Variants in GIN1 observed in about 807,000 individuals in gnomAD.
GIN1 encodes the protein gypsy retrotransposon integrase-like protein 1.
In GIN1, 41 loss-of-function variants were observed where a neutral mutation model predicts 51.4. That is an observed-to-expected ratio of 0.80 (90% CI 0.62 to 1.04). The LOEUF is 1.04. Ranked by LOEUF, GIN1 falls within the 50% of genes least tolerant of loss-of-function variation. The pLI, the probability that GIN1 is intolerant of heterozygous loss-of-function variation, is 0.00. For synonymous variants in GIN1, 222 were observed against 206.5 expected, an observed-to-expected ratio of 1.07 and a Z score of -0.64; for missense variants, 610 against 612.4, an observed-to-expected ratio of 1.00 and a Z score of 0.04.
At chr5:103,105,094 CAGCTTATA>C (rs1332337043) in intron 3 of GIN1, among the ~76,000 whole-genome samples, 1 of 151,726 alleles carries the variant, frequency 6.6e-6, no homozygotes, top group Non-Finnish European at 1.5e-5. Context: ...CTGTGAAGGT[CAGCTTATA>C]CATGGCTTTT....
At chr5:103,107,304 C>A (rs1787754209) in intron 2 of GIN1, among the ~76,000 whole-genome samples, 1 of 151,754 alleles carries the variant, frequency 6.6e-6, no homozygotes, top group African/African-American at 2.4e-5. Context: ...CTTCCTGGAA[C>A]AGAATTTTCT....
chr5:103,089,239 C>T (rs185088420), intron 7 of GIN1, among the ~76,000 whole-genome samples: 1 of 152,202 alleles, frequency 6.6e-6, no homozygotes, highest in Admixed American at 6.5e-5. Flanking sequence ...GAATGTTAAA[C>T]TGATGGCAAA....
rs542728205 is a variant in GIN1, at chr5:103,111,008, C to A, written c.-7-2294G>T. Among the ~76,000 whole-genome samples the A allele has an allele frequency of 1.7e-3, 252 of 152,206 alleles. 1 individual carries two copies. The highest frequency in any genetic ancestry group is 5.8e-3 in the African/African-American group (241 of 41,510). On this transcript the variant is annotated intron_variant, in intron 1 of 7. Coordinates refer to ENST00000399004, the MANE Select transcript of GIN1 (RefSeq NM_017676.2). ...CTCCTGATGCCTTTACTTTCCATGT[C>A]ATCCTCACTACACTCTCTCCTCTGC...
chr5:103,119,140 A>C (rs186055356), intron 1 of GIN1, among the ~76,000 whole-genome samples: 127 of 152,334 alleles, frequency 8.3e-4, no homozygotes, highest in Non-Finnish European at 1.6e-3. Flanking sequence ...TCAATAAAGT[A>C]AGGCAGTTAG....
chr5:103,115,383 C>A lies in GIN1; in HGVS notation c.-8+4681G>T, dbSNP rs533301178. On this transcript the variant is annotated intron_variant, in intron 1 of 7. Coordinates refer to ENST00000399004, the MANE Select transcript of GIN1 (RefSeq NM_017676.2). The stretch of plus-strand genomic sequence containing the variant: ...AACACACGTTACCACATGGATGAAT[C>A]TTGAGGACATTAAGCTTAGTGAAAT... 2.6e-5 allele frequency among the ~76,000 whole-genome samples: 4 copies of A among 152,222 alleles called. No homozygotes were observed. The South Asian group carries it at 6.2e-4, about 24-fold the overall frequency.
intron 1 of GIN1, 47 bp from the exon 2 acceptor site, chr5:103,108,761 G>GA: frequency 1.2e-5 from 15 of 1,200,448 alleles, no homozygotes; most frequent in Non-Finnish European, 1.7e-5. Context: ...TAAGCTAACT[G>GA]AATTGCTATT....
At chr5:103,099,564 C>G (rs1334532452) in intron 4 of GIN1, among the ~76,000 whole-genome samples, 3 of 151,876 alleles carry the variant, frequency 2.0e-5, no homozygotes, top group Non-Finnish European at 4.4e-5. Flanking sequence ...TTGAAATGAC[C>G]CTTGAAAAAG....
chr5:103,104,712 T>TC lies in GIN1; in HGVS notation c.467dup (p.Ser157LysfsTer23), dbSNP rs1787675674. Reference sequence around the variant, plus strand: ...TCATGATTATAGCATATACATGACTTCTGTTGCTTGTATGAAAAGGCCCCA... The same window carrying TC: ...TCATGATTATAGCATATACATGACTTCCTGTTGCTTGTATGAAAAGGCCCCA... On this transcript the variant is annotated frameshift_variant, in exon 4 of 8. Coordinates refer to ENST00000399004, the MANE Select transcript of GIN1 (RefSeq NM_017676.2). LOFTEE classifies it high-confidence loss of function. 6.2e-7 allele frequency: 1 copy of TC among 1,612,822 alleles called. No homozygotes were observed. Among genetic ancestry groups the TC allele is most frequent in the Non-Finnish European group, 8.5e-7 (1 of 1,178,958 alleles).
intron 1 of GIN1, among the ~76,000 whole-genome samples, chr5:103,111,695 G>C (rs1583133307): frequency 6.6e-6 from 1 of 152,092 alleles, no homozygotes; most frequent in African/African-American, 2.4e-5. Context: ...AGAACTGGTA[G>C]AAAACAAACC....
chr5:103,118,600 T>C lies in GIN1; in HGVS notation c.-8+1464A>G, dbSNP rs147153414. Among the ~76,000 whole-genome samples, 25 of 152,294 alleles carry C rather than the reference T, an allele frequency of 1.6e-4. 1 individual carries two copies. In the East Asian group the frequency reaches 4.4e-3, roughly 27 times the overall value. On this transcript the variant is annotated intron_variant, in intron 1 of 7. Transcript: ENST00000399004. ...TCTAATGCAGTTCACAAACTGCTGG[T>C]TCTGGAGGTAGAGAGACAGATGACA...
At chr5:103,096,389 AAAAC>A (rs1160327730) in intron 7 of GIN1, 148 bp downstream of exon 7, 2 of 620,752 alleles carry the variant, frequency 3.2e-6, no homozygotes, top group East Asian at 2.7e-5. Flanking sequence ...ACACTGTAAT[AAAAC>A]AGACTACCTG....
chr5:103,089,743 T>G (rs1043093691), intron 7 of GIN1, among the ~76,000 whole-genome samples: 1 of 152,166 alleles, frequency 6.6e-6, no homozygotes, highest in Non-Finnish European at 1.5e-5. Flanking sequence ...AATGGAAGTG[T>G]CTCAGAACAG....
chr5:103,112,222 A>C (rs1787908685), intron 1 of GIN1, among the ~76,000 whole-genome samples: 1 of 152,154 alleles, frequency 6.6e-6, no homozygotes. Context: ...GAGAAGACAT[A>C]AAAACCATCT....
At chr5:103,090,057 T>C (rs1246019033) in intron 7 of GIN1, among the ~76,000 whole-genome samples, 2 of 152,100 alleles carry the variant, frequency 1.3e-5, no homozygotes, top group Non-Finnish European at 2.9e-5. Flanking sequence ...GGGAAACCAA[T>C]GCGGGCAGAT....
chr5:103,116,086 C>T (rs1287601129), intron 1 of GIN1, among the ~76,000 whole-genome samples: 1 of 152,112 alleles, frequency 6.6e-6, no homozygotes, highest in African/African-American at 2.4e-5. Context: ...AGATTCAATG[C>T]AGTCCCAATC....
At chr5:103,093,593 G>C (rs982188692) in intron 7 of GIN1, among the ~76,000 whole-genome samples, 1 of 152,174 alleles carries the variant, frequency 6.6e-6, no homozygotes, top group African/African-American at 2.4e-5. Context: ...ATTTGTTACA[G>C]CAACAAGAGG....
Position 103,106,899 on chromosome 5 carries a change from C to T in GIN1, c.150G>A (p.Leu50=), listed in dbSNP as rs1193564558. 1 of 1,555,462 alleles carries T rather than the reference C, an allele frequency of 6.4e-7. No individual in the cohort carries two copies. Among genetic ancestry groups the T allele is most frequent in the African/African-American group, 1.4e-5 (1 of 71,908 alleles). The change falls in exon 3 of 8, where the codon CTG becomes CTA. Residue 50 remains leucine (L), a synonymous_variant. Transcript: ENST00000399004. ...AKKFVFKEKK[L]FYVGKDRKQN... ...GTTTTCTGTCTTTTCCAACATAAAA[C>T]AGCTTTTTTTCTGGAATAAATGATA...
At position 103,097,461 on chromosome 5, in the gene GIN1, T is replaced by G; in HGVS notation, c.861A>C (p.Gln287His). The change falls in exon 6 of 8, where the codon CAA becomes CAC. Residue 287 changes from glutamine (Q) to histidine (H), a missense_variant. By Grantham distance (24) the Gln-to-His change is conservative. Transcript: ENST00000399004. The part of the protein sequence containing the change: ...LEPTKNTPYF[Q>H]MFSRNPYMPE... ...GCATATAAGGATTTCGACTAAACAT[T>G]TGAAAATATGGTGTATTTTTAGTAG... 6.4e-7 allele frequency: 1 copy of G among 1,568,242 alleles called. No individual in the cohort carries two copies. Among genetic ancestry groups the G allele is most frequent in the Non-Finnish European group, 8.7e-7 (1 of 1,143,836 alleles).
chr5:103,086,398 A>C lies in GIN1; in HGVS notation c.*1500T>G, dbSNP rs1554193881. ...TTGGGAGGGGCACATATCAATCCTT[A>C]ATAGTATTCAAAGCTCTCCATAAGG... is the stretch of plus-strand genomic sequence containing the variant. On this transcript the variant is annotated 3_prime_UTR_variant, in exon 8 of 8. Transcript: ENST00000399004. 6.6e-6 allele frequency: 1 copy of C among 152,188 alleles called. No homozygotes were observed. The allele number at this position is 152,188 out of a possible 1,614,324, so 9.4% of individuals were successfully genotyped here.
Sources: allele counts gnomAD v4.1 joint callset (sites outside exome capture counted in the v4.1 genomes callset), GRCh38; gene constraint gnomAD v4.1.1; transcripts MANE v1.5; gene names NCBI Gene and HGNC (gene_info 2026-07-23, HGNC 2026-07-21).